The following ANAPC5 variants were observed in gnomAD, a reference collection of about 807,000 sequenced individuals.
ANAPC5 encodes anaphase-promoting complex subunit 5.
ANAPC5 carries 60 observed loss-of-function variants against 91.3 expected under a neutral mutation model. The observed-to-expected ratio is 0.66, with a 90% CI of 0.53 to 0.81. ANAPC5 has a LOEUF of 0.81. ANAPC5 is among the 40% of genes least tolerant of loss of function. ANAPC5 has a pLI of 0.00. For synonymous variants in ANAPC5, 340 were observed against 364.1 expected, an observed-to-expected ratio of 0.93 and a Z score of 0.75; for missense variants, 690 against 931.5, an observed-to-expected ratio of 0.74 and a Z score of 3.37.
intron 11 of ANAPC5, among the ~76,000 whole-genome samples, chr12:121,322,269 T>G (rs1425822349): frequency 7.0e-6 from 1 of 143,736 alleles, no homozygotes; most frequent in African/African-American, 2.6e-5. Context: ...AGCAATTCTC[T>G]TGCCTCAGCC....
In ANAPC5 at chr12:121,352,257, G is replaced by C. The variant is rs1555275485; in HGVS notation, c.84C>G (p.Asp28Glu). ...CCGCGATCTTGTACGGCGTCACCCA[G>C]TCCTTGATGCCGAACACATTGGCGT... ...VVHANVFGIKDWVTPYKIAVL... is the reference protein window; with the variant it reads ...VVHANVFGIKEWVTPYKIAVL... The change falls in exon 1 of 17, where the codon GAC (aspartate) becomes GAG (glutamate). Residue 28 changes from aspartate (D) to glutamate (E), a missense_variant. Transcript: ENST00000261819. 1.2e-6 allele frequency: 2 copies of C among 1,614,166 alleles called. No individual in the cohort carries two copies. The highest frequency in any genetic ancestry group is 2.2e-5 in the South Asian group (2 of 91,084).
chr12:121,321,519 G>A (rs947950454), intron 11 of ANAPC5, among the ~76,000 whole-genome samples: 13 of 143,384 alleles, frequency 9.1e-5, no homozygotes, highest in Non-Finnish European at 7.5e-5. Flanking sequence ...CACACACCTG[G>A]CTATACAAAA....
At chr12:121,351,418 GCA>G (rs1446550286) in intron 1 of ANAPC5, among the ~76,000 whole-genome samples, 1 of 151,002 alleles carries the variant, frequency 6.6e-6, no homozygotes, top group East Asian at 1.9e-4. Context: ...AAAGTGCTTA[GCA>G]CACAGTTAAG....
At chr12:121,345,507 G>A (rs930015228) in intron 4 of ANAPC5, among the ~76,000 whole-genome samples, 9 of 152,140 alleles carry the variant, frequency 5.9e-5, no homozygotes, top group Non-Finnish European at 7.4e-5. Context: ...CCTAGTCACC[G>A]AACCCCCTGA....
Position 121,347,842 on chromosome 12 carries a change from C to T in ANAPC5, c.247G>A (p.Glu83Lys), listed in dbSNP as rs369148501. 8.4e-5 allele frequency: 135 copies of T among 1,613,706 alleles called. No homozygotes were observed. The Middle Eastern group carries it at 1.6e-3, about 20-fold the overall frequency. The change falls in exon 2 of 17, where the codon GAA (glutamate) becomes AAA (lysine). Residue 83 changes from glutamate (E) to lysine (K), a missense_variant. Physicochemically the swap from Glu to Lys is moderately conservative, Grantham distance 56 (BLOSUM62 1). Coordinates refer to ENST00000261819, the MANE Select transcript of ANAPC5 (RefSeq NM_016237.5). ...ITLSKLYKLI[E>K]ESCPQLANSV... ...TTTGCCAGCTGTGGACAAGACTCTT[C>T]AATTAACTTGTAAAGTTTTGACAGT...
Position 121,319,793 on chromosome 12 carries a change from AT to A in ANAPC5, c.1540del (p.Ile514TyrfsTer7). Reference protein sequence around the residue: ...AQLWMLCDQKIQFDRAMNDGK... With the variant: ...AQLWMLCDQKXQFDRAMNDGK... ...ATCATTCATTGCTCTGTCAAACTGT[AT>A]TTTTTGATCACATAGCATCCATAAC... On this transcript the variant is annotated frameshift_variant, in exon 13 of 17. Coordinates refer to ENST00000261819, the MANE Select transcript of ANAPC5 (RefSeq NM_016237.5). LOFTEE classifies it high-confidence loss of function. The A allele has an allele frequency of 6.2e-7, 1 of 1,609,724 alleles. No homozygotes were observed. Among genetic ancestry groups the A allele is most frequent in the Non-Finnish European group, 8.5e-7 (1 of 1,178,778 alleles).
At chr12:121,326,067 A>G (rs10774591) in intron 11 of ANAPC5, among the ~76,000 whole-genome samples, 130,277 of 152,176 alleles carry the variant, frequency 0.86, 57,904 homozygotes, top group East Asian at 0.99. Context: ...AAACATGGGC[A>G]GTGCTTCCCA....
At chr12:121,352,629 C>T (rs1207272085), upstream of ANAPC5, among the ~76,000 whole-genome samples, 1 of 142,772 alleles carries the variant, frequency 7.0e-6, no homozygotes, top group East Asian at 2.1e-4. Flanking sequence ...TGGACAGGGA[C>T]CGGATGGGAG....
intron 11 of ANAPC5, among the ~76,000 whole-genome samples, chr12:121,322,682 G>C (rs567035414): frequency 6.6e-6 from 1 of 152,126 alleles, no homozygotes; most frequent in African/African-American, 2.4e-5. Flanking sequence ...TGAATATCTT[G>C]GTGCATAGAG....
At chr12:121,348,000 T>C in intron 1 of ANAPC5, 119 bp from the exon 2 acceptor site, 1 of 689,074 alleles carries the variant, frequency 1.5e-6, no homozygotes, top group South Asian at 1.8e-5. Flanking sequence ...AACATGCAAA[T>C]AAGGATTTTT....
rs1036655484 is a variant in ANAPC5, at chr12:121,320,456, A to G, written c.1444T>C (p.Cys482Arg). 6.2e-7 allele frequency: 1 copy of G among 1,613,630 alleles called. No individual in the cohort carries two copies. The highest frequency in any genetic ancestry group is 1.3e-5 in the African/African-American group (1 of 74,932). Residue 482 changes from cysteine to arginine, a missense_variant, in exon 12 of 17, where the codon TGT becomes CGT. Coordinates refer to ENST00000261819, the MANE Select transcript of ANAPC5 (RefSeq NM_016237.5). Reference protein sequence around the residue: ...HLAELHAEQGCFAAASEVLKH... With the variant: ...HLAELHAEQGRFAAASEVLKH... ...AACACTTCAGAAGCTGCAGCAAAAC[A>G]GCCCTAAAGTAGAAACACACAATTT...
intron 11 of ANAPC5, among the ~76,000 whole-genome samples, chr12:121,321,367 T>TA (rs1902602134): frequency 1.5e-5 from 2 of 129,144 alleles, no homozygotes. Context: ...TTTTTTTTTT[T>TA]ATGAGACAGG....
chr12:121,313,117 G>C (rs1001977831), intron 15 of ANAPC5, among the ~76,000 whole-genome samples: 3 of 152,164 alleles, frequency 2.0e-5, no homozygotes, highest in Non-Finnish European at 1.5e-5. Context: ...CCTGAGGTCA[G>C]GCGTTCGAGG....
At chr12:121,325,188 C>G (rs187749307) in intron 11 of ANAPC5, among the ~76,000 whole-genome samples, 3 of 151,990 alleles carry the variant, frequency 2.0e-5, no homozygotes, top group Admixed American at 6.6e-5. Context: ...ACTGGCTGGG[C>G]GCGGTGGCTA....
chr12:121,337,270 C>A, intron 6 of ANAPC5, 21 bp downstream of exon 6: 2 of 1,595,396 alleles, frequency 1.3e-6, no homozygotes, highest in Non-Finnish European at 1.7e-6. Context: ...AACACAGCAA[C>A]AAATTCTGGG....
At position 121,320,406 on chromosome 12, in the gene ANAPC5, C is replaced by A. The variant is rs772401735; in HGVS notation, c.1494G>T (p.Pro498=). ...TTACCTGGGCGTGCTGACTATTAGG[C>A]GGAAATCGTTCCTTCAAGTGCTTTA... ...EVLKHLKERF[P]PNSQHAQLWM... is the part of the protein sequence containing the mutation. The change falls in exon 12 of 17, where the codon CCG becomes CCT. Residue 498 remains proline, a synonymous_variant. Transcript: ENST00000261819. 6.2e-7 allele frequency: 1 copy of A among 1,613,584 alleles called. No homozygotes were observed. The highest frequency in any genetic ancestry group is 1.7e-5 in the Admixed American group (1 of 59,986).
chr12:121,326,617 A>G (rs1016763088), intron 11 of ANAPC5: 2 of 152,282 alleles, frequency 1.3e-5, no homozygotes, highest in Admixed American at 6.5e-5. Context: ...TACAGGATTT[A>G]GCTCCCAGGA....
At chr12:121,328,536 T>A in intron 9 of ANAPC5, 39 bp from the exon 10 acceptor site, 1 of 1,585,640 alleles carries the variant, frequency 6.3e-7, no homozygotes, top group Non-Finnish European at 8.6e-7. Context: ...AGATAGAGAT[T>A]ACATGACAGA....
rs782618623 is a variant in ANAPC5, at chr12:121,345,857, T to C, written c.572A>G (p.Glu191Gly). The change falls in exon 4 of 17, where the codon GAA (glutamate) becomes GGA (glycine). Residue 191 changes from glutamate to glycine, a missense_variant. Coordinates refer to ENST00000261819, the MANE Select transcript of ANAPC5 (RefSeq NM_016237.5). The stretch of plus-strand genomic sequence containing the variant: ...AAATTACCTTACAGATACATCAAGT[T>C]CTTCTTTTTCCATTTTTCTTTCACC... ...DEGERKMEKE[E>G]LDVSVREEEV... is the part of the protein sequence containing the mutation. 6.2e-7 allele frequency: 1 copy of C among 1,613,508 alleles called. No individual in the cohort carries two copies. Among genetic ancestry groups the C allele is most frequent in the East Asian group, 2.2e-5 (1 of 44,878 alleles).
Sources: allele counts gnomAD v4.1 joint callset (sites outside exome capture counted in the v4.1 genomes callset), GRCh38; gene constraint gnomAD v4.1.1; transcripts MANE v1.5; gene names NCBI Gene and HGNC (gene_info 2026-07-23, HGNC 2026-07-21).